CYTH4: variants seen among roughly 807,000 people sequenced by gnomAD.
CYTH4 encodes cytohesin-4.
Under a neutral mutation model 57.5 loss-of-function variants are expected in CYTH4, and 22 were observed. That is an observed-to-expected ratio of 0.38 (90% CI 0.27 to 0.55). The LOEUF (loss-of-function observed/expected upper bound fraction) is 0.55. Ranked by LOEUF, CYTH4 falls within the 20% of genes least tolerant of loss-of-function variation. The pLI, the probability that CYTH4 is intolerant of heterozygous loss-of-function variation, is 0.74. For missense variants in CYTH4, 420 were observed against 535.6 expected (o/e 0.78, Z 2.13); for synonymous variants, 186 against 206.5 (o/e 0.90, Z 0.85).
At position 37,311,013 on chromosome 22, in the gene CYTH4, G is replaced by A; in HGVS notation, c.834G>A (p.Arg278=). ...KLGGRVKTWK[R]RWFILTDNCL... is the part of the protein sequence containing the mutation. ...GGGGCCGCGTGAAGACGTGGAAACG[G>A]CGCTGGTTCATCCTGACCGACAACT... Residue 278 remains arginine, a synonymous_variant, in exon 10 of 13, where the codon CGG becomes CGA. Transcript: ENST00000248901. The surrounding 1 kb of genome is among the most constrained non-coding windows in gnomAD (Gnocchi z 4.4). 6.2e-7 allele frequency: 1 copy of A among 1,614,178 alleles called. No individual in the cohort carries two copies. Among genetic ancestry groups the A allele is most frequent in the Non-Finnish European group, 8.5e-7 (1 of 1,180,028 alleles).
At position 37,313,640 on chromosome 22, in the gene CYTH4, G is replaced by C; in HGVS notation, c.*129G>C. 2 of 855,728 alleles carry C rather than the reference G, an allele frequency of 2.3e-6. No homozygotes were observed. The highest frequency in any genetic ancestry group is 3.8e-6 in the Non-Finnish European group (2 of 531,948). 53.0% of individuals were successfully genotyped at this position (855,728 alleles called of 1,614,324 possible). A position where few individuals can be genotyped will look rare whatever the true frequency, so the allele number is the denominator to read the frequency against. On this transcript the variant is annotated 3_prime_UTR_variant, in exon 13 of 13. Transcript: ENST00000248901. ...CATCATTGCTGTTCCCCGTTACCTCGAGCTGACTCTAGAGGGGAAGGCAGA... is the reference window on the plus strand; with the variant it reads ...CATCATTGCTGTTCCCCGTTACCTCCAGCTGACTCTAGAGGGGAAGGCAGA...
At chr22:37,294,274 G>A (rs1018586383) in intron 2 of CYTH4, among the ~76,000 whole-genome samples, 2 of 148,216 alleles carry the variant, frequency 1.3e-5, no homozygotes, top group African/African-American at 5.0e-5. Flanking sequence ...GTGGGCTGGG[G>A]GAGGTGGGCA....
chr22:37,308,603 C>G (rs1034712405), intron 8 of CYTH4, among the ~76,000 whole-genome samples: 12 of 146,924 alleles, frequency 8.2e-5, no homozygotes, highest in Non-Finnish European at 3.0e-5. Context: ...TCTGAGTGTG[C>G]ATGTATGTGT....
intron 8 of CYTH4, among the ~76,000 whole-genome samples, chr22:37,305,834 C>A (rs954772591): frequency 2.0e-5 from 3 of 152,184 alleles, no homozygotes; most frequent in African/African-American, 7.2e-5. Context: ...CTCAAGGGTA[C>A]ACAGACCATG....
chr22:37,285,673 T>A (rs1928532121), intron 1 of CYTH4, among the ~76,000 whole-genome samples: 3 of 152,126 alleles, frequency 2.0e-5, no homozygotes, highest in Admixed American at 1.3e-4. Flanking sequence ...ATCAGGCCAC[T>A]GCACTCCAGC....
rs1247626491 is a variant in CYTH4 at position 37,315,136 on chromosome 22, G to C, written c.*1625G>C. 1.3e-5 allele frequency: 2 copies of C among 152,438 alleles called. No homozygotes were observed. Among genetic ancestry groups the C allele is most frequent in the East Asian group, 3.8e-4 (2 of 5,200 alleles). 9.4% of individuals were successfully genotyped at this position (152,438 alleles called of 1,614,324 possible). On this transcript the variant is annotated 3_prime_UTR_variant, in exon 13 of 13. Coordinates refer to ENST00000248901, the MANE Select transcript of CYTH4 (RefSeq NM_013385.5). ...TTGGTCCATGAAGGAGCAGCCAGGGGTGGTGGAAGGAGCACTGGGCTAGGG... is the reference window on the plus strand; with the variant it reads ...TTGGTCCATGAAGGAGCAGCCAGGGCTGGTGGAAGGAGCACTGGGCTAGGG...
intron 8 of CYTH4, chr22:37,304,085 CTGCGGCTGTCAT>C (rs1218960948): frequency 2.3e-6 from 1 of 439,418 alleles, no homozygotes; most frequent in Non-Finnish European, 4.6e-6. Context: ...TCTGCTGTCA[CTGCGGCTGTCAT>C]TGCTCTGGGG....
In CYTH4 at chr22:37,312,005, G is replaced by A. The variant is rs1476375839; in HGVS notation, c.958-15G>A. ...CTCCCTCTCTTCCCACCCTTGCCTG[G>A]CCACCTCCCCACAGTTCTGCCTGGA... On this transcript the variant is annotated splice_polypyrimidine_tract_variant and intron_variant, in intron 11 of 12. Coordinates refer to ENST00000248901, the MANE Select transcript of CYTH4 (RefSeq NM_013385.5). 2.5e-6 allele frequency: 4 copies of A among 1,608,138 alleles called. No individual in the cohort carries two copies. In the South Asian group the frequency reaches 4.4e-5, roughly 18 times the overall value.
intron 8 of CYTH4, among the ~76,000 whole-genome samples, chr22:37,303,801 C>T (rs1427269345): frequency 1.3e-5 from 2 of 152,198 alleles, no homozygotes; most frequent in Non-Finnish European, 2.9e-5. Context: ...CTGCTCTAAG[C>T]CCTCTGTCCT....
At chr22:37,287,035 G>A (rs1041807878) in intron 1 of CYTH4, among the ~76,000 whole-genome samples, 5 of 152,110 alleles carry the variant, frequency 3.3e-5, no homozygotes, top group African/African-American at 7.2e-5. Flanking sequence ...GTGCCTCCTG[G>A]GGAAATGTGG....
Position 37,302,462 on chromosome 22 carries a change from T to G in CYTH4, c.548-792T>G, listed in dbSNP as rs950206516. Among the ~76,000 whole-genome samples the G allele has an allele frequency of 2.0e-5, 3 of 152,300 alleles. No individual in the cohort carries two copies. The South Asian group carries it at 6.2e-4, about 32-fold the overall frequency. On this transcript the variant is annotated intron_variant, in intron 7 of 12. Coordinates refer to ENST00000248901, the MANE Select transcript of CYTH4 (RefSeq NM_013385.5). ...CAAGACCTGCCTCATAGGATGGGCA[T>G]GGGGATGTGAGAGCTTAGCACAGGG... is the stretch of plus-strand genomic sequence containing the variant.
chr22:37,286,114 G>T lies in CYTH4; in HGVS notation c.19+3526G>T, dbSNP rs1225735017. On this transcript the variant is annotated intron_variant, in intron 1 of 12. Transcript: ENST00000248901. ...GTTGGCTTTGCAGGGGTTGGGTGGG[G>T]GCAACTGCAGGCATCATTCTGCATC... Among the ~76,000 whole-genome samples the T allele has an allele frequency of 5.3e-5, 8 of 152,274 alleles. No individual in the cohort carries two copies. In the East Asian group the frequency reaches 1.5e-3, roughly 29 times the overall value.
At chr22:37,300,736 C>A (rs1471883595) in intron 6 of CYTH4, 171 bp from the exon 7 acceptor site, 1 of 611,586 alleles carries the variant, frequency 1.6e-6, no homozygotes, top group Non-Finnish European at 2.9e-6. Flanking sequence ...CTACCTCCCG[C>A]GTGCTTGGGG....
chr22:37,302,928 G>A (rs1203320851), intron 7 of CYTH4, among the ~76,000 whole-genome samples: 3 of 148,854 alleles, frequency 2.0e-5, no homozygotes, highest in East Asian at 2.0e-4. Context: ...AGGGCTCTGC[G>A]GGGAGGAGGT....
chr22:37,309,604 C>T (rs760384881), intron 9 of CYTH4, among the ~76,000 whole-genome samples: 24 of 152,192 alleles, frequency 1.6e-4, no homozygotes, highest in Admixed American at 4.6e-4. Context: ...GCTTCAGCTG[C>T]GGTTCTGTTT....
chr22:37,310,930 G>A (rs1271419596), intron 9 of CYTH4, 58 bp from the exon 10 acceptor site: 3 of 1,587,298 alleles, frequency 1.9e-6, no homozygotes, highest in Non-Finnish European at 2.6e-6. Flanking sequence ...CTTCCCTGGA[G>A]GAGGTGTCAG....
At position 37,298,510 on chromosome 22, in the gene CYTH4, T is replaced by G. The variant is rs1929057034; in HGVS notation, c.354-716T>G. On this transcript the variant is annotated intron_variant, in intron 5 of 12. Coordinates refer to ENST00000248901, the MANE Select transcript of CYTH4 (RefSeq NM_013385.5). This position sits in a 1 kb window ranked among gnomAD's most constrained non-coding sequence, Gnocchi z 4.1. ...ACATTTGACCAAAACGTAAAAGAGG[T>G]GAGGGCATGAGCAGTACAGACATCT... The G allele has an allele frequency of 6.5e-6, 1 of 153,282 alleles. No individual in the cohort carries two copies. The highest frequency in any genetic ancestry group is 2.4e-5 in the African/African-American group (1 of 41,072). The allele number at this position is 153,282 out of a possible 1,614,324, so 9.5% of individuals were successfully genotyped here. A position where few individuals can be genotyped will look rare whatever the true frequency, so the allele number is the denominator to read the frequency against.
chr22:37,312,032 C>T lies in CYTH4; in HGVS notation c.970C>T (p.Leu324Phe). ...CACCTCCCCACAGTTCTGCCTGGAG[C>T]TCTACAACCCTAGCTGCCGAGGCCA... ...DDPKKPFCLE[L>F]YNPSCRGQKI... The change falls in exon 12 of 13, where the codon CTC becomes TTC. Residue 324 changes from leucine to phenylalanine, a missense_variant. Coordinates refer to ENST00000248901, the MANE Select transcript of CYTH4 (RefSeq NM_013385.5). 6.2e-7 allele frequency: 1 copy of T among 1,614,006 alleles called. No homozygotes were observed. Among genetic ancestry groups the T allele is most frequent in the Non-Finnish European group, 8.5e-7 (1 of 1,179,952 alleles).
chr22:37,313,985 G>A lies in CYTH4; in HGVS notation c.*474G>A, dbSNP rs966001192. 2.8e-5 allele frequency: 7 copies of A among 250,386 alleles called. No individual in the cohort carries two copies. Among genetic ancestry groups the A allele is most frequent in the South Asian group, 1.1e-4 (1 of 8,932 alleles). 15.5% of individuals were successfully genotyped at this position (250,386 alleles called of 1,614,324 possible). On this transcript the variant is annotated 3_prime_UTR_variant, in exon 13 of 13. Coordinates refer to ENST00000248901, the MANE Select transcript of CYTH4 (RefSeq NM_013385.5). Reference sequence around the variant, plus strand: ...CTCTGCCAACCCCTCCCCTGTCCTCGGGTTGGGCTTGGCCCTCTCTGCCTG... The same window carrying A: ...CTCTGCCAACCCCTCCCCTGTCCTCAGGTTGGGCTTGGCCCTCTCTGCCTG...
Sources: allele counts gnomAD v4.1 joint callset (sites outside exome capture counted in the v4.1 genomes callset), GRCh38; gene constraint gnomAD v4.1.1; non-coding constraint Gnocchi (gnomAD v3.1); transcripts MANE v1.5; gene names NCBI Gene and HGNC (gene_info 2026-07-23, HGNC 2026-07-21).